The following ACADS variants were observed in gnomAD, a reference collection of about 807,000 sequenced individuals.
ACADS encodes the protein short-chain specific acyl-CoA dehydrogenase, mitochondrial.
ACADS carries 28 observed loss-of-function variants against 46.8 expected under a neutral mutation model. The observed-to-expected ratio is 0.60, with a 90% CI of 0.44 to 0.82. The LOEUF (loss-of-function observed/expected upper bound fraction) is 0.82. Ranked by LOEUF, ACADS falls within the 40% of genes least tolerant of loss-of-function variation. The pLI is 0.00. For missense variants in ACADS, 528 were observed against 578.0 expected (o/e 0.91, Z 0.89); for synonymous variants, 236 against 237.7 (o/e 0.99, Z 0.07).
chr12:120,738,182 G>A lies in ACADS; in HGVS notation c.625-98G>A, dbSNP rs140957941. ...AGAGGGTGTCAAGGCCTGAGCTTCT[G>A]AGGGAGGTGGGGAGGGGACCGGGTT... On this transcript the variant is annotated intron_variant, in intron 5 of 9. Coordinates refer to ENST00000242592, the MANE Select transcript of ACADS (RefSeq NM_000017.4). 8.9e-4 allele frequency: 1,426 copies of A among 1,596,538 alleles called. 12 individuals are homozygous for A. In the African/African-American group the frequency reaches 0.017, roughly 19 times the overall value.
chr12:120,737,207 C>T (rs946982950), intron 3 of ACADS, 72 bp downstream of exon 3: 98 of 1,544,202 alleles, frequency 6.3e-5, no homozygotes, highest in Non-Finnish European at 8.0e-5. Context: ...GCTCTGGCCT[C>T]GGCTCCCAGC....
In ACADS at chr12:120,739,085, C is replaced by G. The variant is rs1566028652; in HGVS notation, c.1030-55C>G. The G allele has an allele frequency of 5.0e-6, 8 of 1,609,344 alleles. No homozygotes were observed. In the East Asian group the frequency reaches 8.9e-5, roughly 18 times the overall value. On this transcript the variant is annotated intron_variant, in intron 8 of 9. Transcript: ENST00000242592. Reference sequence around the variant, plus strand: ...CTCCCCTGCTGAGGGAGTGGGGGAGCAGGGGATGGAGGGGTCCCCTCAAGG... The same window carrying G: ...CTCCCCTGCTGAGGGAGTGGGGGAGGAGGGGATGGAGGGGTCCCCTCAAGG...
In ACADS at chr12:120,737,979, G is replaced by A; in HGVS notation, c.615G>A (p.Leu205=). The change falls in exon 5 of 10, where the codon CTG becomes CTA. Residue 205 remains leucine (L), a synonymous_variant. Transcript: ENST00000242592. The part of the protein sequence containing the change: ...AVVFASTDRA[L]QNKGISAFLV... Reference sequence around the variant, plus strand: ...TCTTTGCCAGCACGGACAGAGCCCTGCAAAACAAGGTGGGCCCACCCAGAG... The same window carrying A: ...TCTTTGCCAGCACGGACAGAGCCCTACAAAACAAGGTGGGCCCACCCAGAG... The A allele has an allele frequency of 6.2e-7, 1 of 1,613,896 alleles. No individual in the cohort carries two copies. The highest frequency in any genetic ancestry group is 8.5e-7 in the Non-Finnish European group (1 of 1,180,020).
chr12:120,732,087 T>A (rs943971274), intron 2 of ACADS, among the ~76,000 whole-genome samples: 5 of 152,310 alleles, frequency 3.3e-5, no homozygotes, highest in Admixed American at 3.3e-4. Context: ...TCCCCACCTT[T>A]CCCCCTTTTC....
At chr12:120,737,293 C>A in intron 3 of ACADS, 63 bp from the exon 4 acceptor site, 1 of 1,553,704 alleles carries the variant, frequency 6.4e-7, no homozygotes, top group Non-Finnish European at 8.8e-7. Flanking sequence ...TGAGGTGCAG[C>A]CCGCAGGTGG....
chr12:120,737,569 A>G, intron 4 of ACADS, 102 bp downstream of exon 4: 2 of 1,209,232 alleles, frequency 1.7e-6, no homozygotes, highest in South Asian at 2.5e-5. Context: ...GCCAGAGGGG[A>G]GGCTCCCCGT....
At chr12:120,729,793 C>T (rs1379495383) in intron 2 of ACADS, among the ~76,000 whole-genome samples, 1 of 152,056 alleles carries the variant, frequency 6.6e-6, no homozygotes, top group African/African-American at 2.4e-5. Context: ...GGAAACAGCC[C>T]CTGTCACCAC....
At position 120,737,336 on chromosome 12, in the gene ACADS, G is replaced by A. The variant is rs761456803; in HGVS notation, c.361-20G>A. 4.7e-5 allele frequency: 76 copies of A among 1,609,732 alleles called. No homozygotes were observed. Among genetic ancestry groups the A allele is most frequent in the Non-Finnish European group, 5.3e-5 (62 of 1,177,466 alleles). ...GCGCCTGGGCCTGGGGCCTCCGACCGCTCCCCGCTGTCCTCCTAGTCTCTC... is the reference window on the plus strand; with the variant it reads ...GCGCCTGGGCCTGGGGCCTCCGACCACTCCCCGCTGTCCTCCTAGTCTCTC... On this transcript the variant is annotated intron_variant, in intron 3 of 9. Coordinates refer to ENST00000242592, the MANE Select transcript of ACADS (RefSeq NM_000017.4).
chr12:120,735,789 C>G (rs2136947098), intron 2 of ACADS, among the ~76,000 whole-genome samples: 1 of 152,050 alleles, frequency 6.6e-6, no homozygotes, highest in South Asian at 2.1e-4. Flanking sequence ...ATCTCAGCTA[C>G]TCGGTAGGCT....
chr12:120,730,549 C>G (rs1883217389), intron 2 of ACADS, among the ~76,000 whole-genome samples: 1 of 152,132 alleles, frequency 6.6e-6, no homozygotes, highest in Non-Finnish European at 1.5e-5. Context: ...GTGTGAATTC[C>G]CTCATCTGTA....
At chr12:120,726,920 A>T in intron 1 of ACADS, 106 bp from the exon 2 acceptor site, 1 of 1,274,596 alleles carries the variant, frequency 7.8e-7, no homozygotes, top group Non-Finnish European at 1.1e-6. Context: ...AGACATTGCC[A>T]GATGTCCCTT....
chr12:120,733,416 G>A (rs1003359725), intron 2 of ACADS, among the ~76,000 whole-genome samples: 1 of 152,144 alleles, frequency 6.6e-6, no homozygotes, highest in South Asian at 2.1e-4. Context: ...TCTGAAGTGT[G>A]GGCTAGAAAA....
intron 2 of ACADS, among the ~76,000 whole-genome samples, chr12:120,732,203 T>C (rs1224883140): frequency 7.3e-6 from 1 of 136,068 alleles, no homozygotes; most frequent in South Asian, 2.5e-4. Context: ...CACTTCCCAG[T>C]ACGGGCGGCC....
Position 120,739,410 on chromosome 12 carries a change from G to A in ACADS, c.1201G>A (p.Val401Met), listed in dbSNP as rs866546417. The A allele has an allele frequency of 1.9e-6, 3 of 1,612,226 alleles. No individual in the cohort carries two copies. The highest frequency in any genetic ancestry group is 1.7e-4 in the Middle Eastern group (1 of 6,040). Residue 401 changes from valine to methionine, a missense_variant, in exon 10 of 10, where the codon GTG (valine) becomes ATG (methionine). By Grantham distance (21) the Val-to-Met change is conservative. Coordinates refer to ENST00000242592, the MANE Select transcript of ACADS (RefSeq NM_000017.4). ...YEGTSEIQRLVIAGHLLRSYR... is the reference protein window; with the variant it reads ...YEGTSEIQRLMIAGHLLRSYR... ...GGGCACCAGCGAAATCCAGCGGCTGGTGATCGCCGGGCATCTGCTCAGGAG... is the reference window on the plus strand; with the variant it reads ...GGGCACCAGCGAAATCCAGCGGCTGATGATCGCCGGGCATCTGCTCAGGAG...
chr12:120,738,608 G>A lies in ACADS; in HGVS notation c.871G>A (p.Val291Met). 1 of 1,613,328 alleles carries A rather than the reference G, an allele frequency of 6.2e-7. No homozygotes were observed. Among genetic ancestry groups the A allele is most frequent in the Non-Finnish European group, 8.5e-7 (1 of 1,180,030 alleles). Residue 291 changes from valine (V) to methionine (M), a missense_variant, in exon 7 of 10, where the codon GTG becomes ATG. Val to Met is a conservative substitution (Grantham distance 21). Coordinates refer to ENST00000242592, the MANE Select transcript of ACADS (RefSeq NM_000017.4). ...GIAQTALDCA[V>M]NYAENRMAFG... ...TGCCCAGACCGCCCTCGATTGTGCT[G>A]TGAACTACGCTGAGAATCGCATGGC...
chr12:120,731,599 C>T lies in ACADS; in HGVS notation c.210+4410C>T, dbSNP rs187367165. Among the ~76,000 whole-genome samples the T allele has an allele frequency of 7.9e-5, 12 of 151,792 alleles. No homozygotes were observed. In the East Asian group the frequency reaches 1.7e-3, roughly 22 times the overall value. ...CCTCCCAAGTAGCTGGGATTATAGG[C>T]GCCCACCATCACGCCTGGCTAATTC... On this transcript the variant is annotated intron_variant, in intron 2 of 9. Transcript: ENST00000242592.
intron 2 of ACADS, among the ~76,000 whole-genome samples, chr12:120,727,827 C>T (rs1260855975): frequency 3.3e-5 from 5 of 151,970 alleles, no homozygotes; most frequent in South Asian, 2.1e-4. Flanking sequence ...TGAGACACCA[C>T]GCCCGGCCAA....
chr12:120,727,238 C>G (rs1310369572), intron 2 of ACADS, 49 bp downstream of exon 2: 1 of 1,611,446 alleles, frequency 6.2e-7, no homozygotes, highest in South Asian at 1.1e-5. Flanking sequence ...CCCTCTGCTA[C>G]TGGATGAATG....
intron 2 of ACADS, among the ~76,000 whole-genome samples, chr12:120,732,694 T>C (rs1592936566): frequency 2.1e-5 from 3 of 140,488 alleles, no homozygotes; most frequent in African/African-American, 5.4e-5. Context: ...CCTCACTTCC[T>C]AGATGGGATG....
Sources: gnomAD v4.1 joint callset for allele counts (sites outside exome capture counted in the v4.1 genomes callset) on GRCh38, gnomAD v4.1.1 for gene constraint, MANE v1.5 for transcripts, NCBI Gene and HGNC (gene_info 2026-07-23, HGNC 2026-07-21) for gene names.